RASSF3: variants seen among roughly 807,000 people sequenced by gnomAD.
The protein encoded by RASSF3 is Ras association domain family member 3, also known as ras association domain-containing protein 3.
A neutral mutation model predicts 19.9 loss-of-function variants in RASSF3; 19 were observed. That is an observed-to-expected ratio of 0.96 (90% CI 0.67 to 1.40). The LOEUF (loss-of-function observed/expected upper bound fraction) is 1.40, where lower values mean the gene tolerates loss of function less well. RASSF3 is among the 40% of genes most tolerant of loss of function. The probability of loss-of-function intolerance (pLI) is 0.00; values close to 1 mark genes in which losing one functional copy is unlikely to be tolerated. For synonymous variants in RASSF3, 110 were observed against 104.2 expected, an observed-to-expected ratio of 1.06 and a Z score of -0.34; for missense variants, 306 against 289.8, an observed-to-expected ratio of 1.06 and a Z score of -0.41.
At chr12:64,650,085 T>A (rs1871885890) in intron 1 of RASSF3, among the ~76,000 whole-genome samples, 1 of 152,230 alleles carries the variant, frequency 6.6e-6, no homozygotes, top group Admixed American at 6.5e-5. Flanking sequence ...TATTTGTCTC[T>A]TGTCATGTAG....
At chr12:64,589,203 A>G (rs1011161319) in intron 2 of RASSF3, among the ~76,000 whole-genome samples, 2 of 152,226 alleles carry the variant, frequency 1.3e-5, no homozygotes, top group Non-Finnish European at 2.9e-5. Context: ...TAATCCCAGC[A>G]CTTTGGGAGG....
intron 1 of RASSF3, among the ~76,000 whole-genome samples, chr12:64,650,013 G>A (rs1871883125): frequency 6.6e-6 from 1 of 152,160 alleles, no homozygotes; most frequent in African/African-American, 2.4e-5. Flanking sequence ...CTCTTTGCCA[G>A]TATTGCTTTT....
chr12:64,692,488 G>C (rs1392569373), intron 4 of RASSF3, among the ~76,000 whole-genome samples: 4 of 152,198 alleles, frequency 2.6e-5, no homozygotes, highest in Non-Finnish European at 2.9e-5. Flanking sequence ...TAGGAAGACA[G>C]TGGTTTTACA....
intron 2 of RASSF3, among the ~76,000 whole-genome samples, chr12:64,570,277 C>T (rs1459995630): frequency 6.6e-6 from 1 of 152,210 alleles, no homozygotes; most frequent in Admixed American, 6.5e-5. Flanking sequence ...GCTGATTATA[C>T]AGATTTCTTC....
intron 1 of RASSF3, among the ~76,000 whole-genome samples, chr12:64,675,609 G>GC (rs1872868236): frequency 6.6e-6 from 1 of 151,986 alleles, no homozygotes; most frequent in Admixed American, 6.6e-5. Flanking sequence ...GGAAAGCATG[G>GC]CCCCCCGCTG....
rs538148898 is a variant in RASSF3 at position 64,584,561 on chromosome 12, A to C, written c.294+42856A>C. ...CAGTGCTCTATTTCTGAACTACTCTATTTCTGATCTCCTTTCTCTCCCTTC... is the reference window on the plus strand; with the variant it reads ...CAGTGCTCTATTTCTGAACTACTCTCTTTCTGATCTCCTTTCTCTCCCTTC... On this transcript the variant is annotated intron_variant, in intron 2 of 5. Coordinates refer to the RASSF3 transcript ENST00000637125. 2.0e-5 allele frequency among the ~76,000 whole-genome samples: 3 copies of C among 150,486 alleles called. No homozygotes were observed. In the East Asian group the frequency reaches 5.8e-4, roughly 29 times the overall value.
chr12:64,660,387 A>G (rs1449717780), intron 1 of RASSF3, among the ~76,000 whole-genome samples: 1 of 152,164 alleles, frequency 6.6e-6, no homozygotes, highest in Non-Finnish European at 1.5e-5. Flanking sequence ...TAGGCACTCT[A>G]AAGGCACCTT....
In RASSF3 at chr12:64,684,817, TACCTC is replaced by T. The variant is rs1163173151; in HGVS notation, c.144_148del (p.Tyr48Ter). On this transcript the variant is annotated frameshift_variant, in exon 2 of 5. Transcript: ENST00000542104. LOFTEE classifies it high-confidence loss of function. The stretch of plus-strand genomic sequence containing the variant: ...TGAGAAAGAGAAGGAAACCCACAGT[TACCTC>T]AGCAAAGAGGAGATCAAAGAGAAAG... 1 of 1,612,858 alleles carries T rather than the reference TACCTC, an allele frequency of 6.2e-7. No homozygotes were observed. The highest frequency in any genetic ancestry group is 8.5e-7 in the Non-Finnish European group (1 of 1,179,056).
intron 1 of RASSF3, among the ~76,000 whole-genome samples, chr12:64,534,427 T>A (rs530861831): frequency 2.9e-4 from 44 of 152,160 alleles, no homozygotes; most frequent in Non-Finnish European, 5.4e-4. Context: ...CCCAGGAATT[T>A]GAGGCTGCAG....
chr12:64,694,661 G>A, intron 4 of RASSF3, 102 bp from the exon 5 acceptor site: 1 of 1,291,492 alleles, frequency 7.7e-7, no homozygotes, highest in Non-Finnish European at 1.1e-6. Flanking sequence ...GCATGGGGCT[G>A]GGAGGGGAGG....
intron 1 of RASSF3, among the ~76,000 whole-genome samples, chr12:64,641,414 A>ACACACACGCGCG: frequency 1.8e-4 from 26 of 142,192 alleles, no homozygotes; most frequent in African/African-American, 7.0e-4. Flanking sequence ...ACACACACAC[A>ACACACACGCGCG]CGCGCGCGCG....
At chr12:64,660,040 ATG>A (rs200095636) in intron 1 of RASSF3, among the ~76,000 whole-genome samples, 36,950 of 121,296 alleles carry the variant, frequency 0.3, 5,025 homozygotes, top group South Asian at 0.38. Flanking sequence ...GTGTATATAT[ATG>A]TGTGTGTATG....
At chr12:64,627,235 A>G (rs1325134551) in intron 1 of RASSF3, among the ~76,000 whole-genome samples, 1 of 152,220 alleles carries the variant, frequency 6.6e-6, no homozygotes, top group African/African-American at 2.4e-5. Context: ...GACACTTGAT[A>G]AACAGTTTTT....
chr12:64,534,683 TAGAG>T (rs1249617460), intron 1 of RASSF3, among the ~76,000 whole-genome samples: 2 of 151,776 alleles, frequency 1.3e-5, no homozygotes, highest in Non-Finnish European at 2.9e-5. Context: ...AAAGAGAGAA[TAGAG>T]AGACAGAGAG....
chr12:64,680,038 C>T (rs944104232), intron 1 of RASSF3, among the ~76,000 whole-genome samples: 14 of 152,142 alleles, frequency 9.2e-5, no homozygotes, highest in Non-Finnish European at 1.0e-4. Flanking sequence ...CTTTCTTGCT[C>T]TCACCCCTTT....
intron 2 of RASSF3, among the ~76,000 whole-genome samples, chr12:64,574,152 A>AG (rs555570873): frequency 1.3e-3 from 205 of 151,930 alleles, no homozygotes; most frequent in African/African-American, 4.6e-3. Context: ...AAAAAAAAAA[A>AG]ATACAAAAAT....
At chr12:64,559,239 T>TTTCTTTC (rs1308927617) in intron 2 of RASSF3, among the ~76,000 whole-genome samples, 2 of 148,132 alleles carry the variant, frequency 1.4e-5, no homozygotes, top group African/African-American at 2.5e-5. Flanking sequence ...TCTTTTCTTC[T>TTTCTTTC]TTTTTTCTTT....
chr12:64,515,106 G>T (rs1868353948), intron 1 of RASSF3, among the ~76,000 whole-genome samples: 1 of 151,076 alleles, frequency 6.6e-6, no homozygotes, highest in Non-Finnish European at 1.5e-5. Flanking sequence ...ACCCAGGATG[G>T]AGTGCAATGC....
chr12:64,682,367 C>T (rs879167329), intron 1 of RASSF3, among the ~76,000 whole-genome samples: 2 of 151,986 alleles, frequency 1.3e-5, no homozygotes, highest in Non-Finnish European at 2.9e-5. Context: ...GTCAGGAGAT[C>T]GAGACCATCC....
Sources: allele counts gnomAD v4.1 joint callset (sites outside exome capture counted in the v4.1 genomes callset), GRCh38; gene constraint gnomAD v4.1.1; transcripts MANE v1.5; gene names NCBI Gene and HGNC (gene_info 2026-07-23, HGNC 2026-07-21).